CA13: variants seen among roughly 807,000 people sequenced by gnomAD.
CA13 encodes the protein CA-XIII.
CA13 carries 21 observed loss-of-function variants against 31.5 expected under a neutral mutation model. The ratio of observed to expected loss-of-function variants is 0.67; its 90% CI spans 0.47 to 0.96. The LOEUF (loss-of-function observed/expected upper bound fraction) is 0.96. Among genes scored for constraint, CA13 ranks in the 40% least tolerant of loss-of-function variants. The probability of loss-of-function intolerance (pLI) is 0.00; values close to 1 mark genes in which losing one functional copy is unlikely to be tolerated. For missense variants in CA13, 315 were observed against 318.9 expected (o/e 0.99, Z 0.09); for synonymous variants, 117 against 111.4 (o/e 1.05, Z -0.32).
At chr8:85,249,287 C>A (rs1813785636) in intron 1 of CA13, among the ~76,000 whole-genome samples, 1 of 151,988 alleles carries the variant, frequency 6.6e-6, no homozygotes, top group Admixed American at 6.6e-5. Context: ...TCACTTGAGC[C>A]CATGAGTTTG....
intron 2 of CA13, among the ~76,000 whole-genome samples, chr8:85,256,695 A>G (rs1188553220): frequency 2.0e-5 from 3 of 152,234 alleles, no homozygotes; most frequent in Non-Finnish European, 2.9e-5. Context: ...AATTATATAA[A>G]GCTCTATTAT....
chr8:85,280,701 A>G (rs189295627), intron 6 of CA13, among the ~76,000 whole-genome samples: 4 of 152,356 alleles, frequency 2.6e-5, no homozygotes, highest in Non-Finnish European at 1.5e-5. Flanking sequence ...AATCTTAATA[A>G]GTGATATTAA....
At chr8:85,263,339 A>T (rs776014527) in intron 3 of CA13, among the ~76,000 whole-genome samples, 28 of 152,296 alleles carry the variant, frequency 1.8e-4, no homozygotes, top group Non-Finnish European at 3.1e-4. Context: ...GAAGGTTTTG[A>T]TCAGGGGAAT....
chr8:85,263,080 A>T (rs1270807287), intron 3 of CA13, among the ~76,000 whole-genome samples: 1 of 152,220 alleles, frequency 6.6e-6, no homozygotes, highest in Non-Finnish European at 1.5e-5. Flanking sequence ...AGAAGAAAGC[A>T]TTAAGAGAAA....
At chr8:85,257,938 T>A (rs1012993574) in intron 2 of CA13, among the ~76,000 whole-genome samples, 5 of 148,510 alleles carry the variant, frequency 3.4e-5, no homozygotes, top group Non-Finnish European at 7.4e-5. Context: ...AGCCAAAAAA[T>A]ATATATATAA....
chr8:85,281,661 C>T lies in CA13; in HGVS notation c.*312C>T. The T allele has an allele frequency of 4.1e-6, 1 of 245,530 alleles. No homozygotes were observed. Among genetic ancestry groups the T allele is most frequent in the Non-Finnish European group, 6.8e-6 (1 of 146,340 alleles). 15.2% of individuals were successfully genotyped at this position (245,530 alleles called of 1,614,324 possible). On this transcript the variant is annotated 3_prime_UTR_variant, in exon 7 of 7. Coordinates refer to ENST00000321764, the MANE Select transcript of CA13 (RefSeq NM_198584.3). ...CAGAGTAAGTAGGACCACAGGCATG[C>T]ACAAGCATGCCTGGCTAATTTTTAA...
At chr8:85,277,778 C>T (rs1807635507) in intron 6 of CA13, among the ~76,000 whole-genome samples, 1 of 152,136 alleles carries the variant, frequency 6.6e-6, no homozygotes, top group South Asian at 2.1e-4. Context: ...TTTTATAGTT[C>T]TCTGTAAACA....
chr8:85,261,838 A>T (rs963858325), intron 3 of CA13, among the ~76,000 whole-genome samples: 3 of 151,458 alleles, frequency 2.0e-5, no homozygotes, highest in Admixed American at 2.0e-4. Context: ...CTTGGAATAG[A>T]TTTTCTTTTT....
At chr8:85,269,754 T>C (rs1033784609) in intron 6 of CA13, among the ~76,000 whole-genome samples, 5 of 152,162 alleles carry the variant, frequency 3.3e-5, no homozygotes, top group Non-Finnish European at 7.3e-5. Context: ...GCCAGGCTGG[T>C]GTGGAGTCGG....
At chr8:85,251,651 G>A (rs999803482) in intron 2 of CA13, among the ~76,000 whole-genome samples, 6 of 151,874 alleles carry the variant, frequency 4.0e-5, no homozygotes, top group Non-Finnish European at 8.8e-5. Context: ...AATAGAAAAA[G>A]TTTAGTTTAA....
At chr8:85,271,081 C>A (rs1171487616) in intron 6 of CA13, among the ~76,000 whole-genome samples, 1 of 151,920 alleles carries the variant, frequency 6.6e-6, no homozygotes, top group Admixed American at 6.6e-5. Flanking sequence ...AGTAACAATT[C>A]AATTTATTAA....
At chr8:85,262,842 G>A (rs1399228350) in intron 3 of CA13, among the ~76,000 whole-genome samples, 1 of 151,998 alleles carries the variant, frequency 6.6e-6, no homozygotes, top group African/African-American at 2.4e-5. Flanking sequence ...GGGTTTGAGA[G>A]TGAGGGAGGG....
chr8:85,254,087 T>G (rs1807240090), intron 2 of CA13, among the ~76,000 whole-genome samples: 1 of 152,102 alleles, frequency 6.6e-6, no homozygotes, highest in Admixed American at 6.6e-5. Flanking sequence ...GAGACCAGCC[T>G]GGCCAACATG....
intron 5 of CA13, 107 bp downstream of exon 5, chr8:85,268,071 C>G (rs753295158): frequency 2.5e-4 from 166 of 674,920 alleles, no homozygotes; most frequent in Middle Eastern, 3.3e-4. Context: ...AAGTTTGCAA[C>G]ATACTTGATG....
At chr8:85,262,739 A>G (rs982885942) in intron 3 of CA13, among the ~76,000 whole-genome samples, 6 of 152,164 alleles carry the variant, frequency 3.9e-5, no homozygotes, top group Non-Finnish European at 5.9e-5. Context: ...GCTTTGGAGG[A>G]AACTTTTGGG....
intron 6 of CA13, among the ~76,000 whole-genome samples, chr8:85,275,931 C>T (rs553279442): frequency 2.0e-5 from 3 of 152,364 alleles, no homozygotes; most frequent in South Asian, 2.1e-4. Context: ...TCGCTCTCAG[C>T]GCCTCCTCTG....
chr8:85,263,443 A>G (rs1249337614), intron 3 of CA13, among the ~76,000 whole-genome samples: 1 of 152,202 alleles, frequency 6.6e-6, no homozygotes, highest in African/African-American at 2.4e-5. Flanking sequence ...GAGAAAAACT[A>G]GAAGGTTATG....
At chr8:85,273,325 T>C (rs1807552787) in intron 6 of CA13, among the ~76,000 whole-genome samples, 1 of 152,228 alleles carries the variant, frequency 6.6e-6, no homozygotes, top group Non-Finnish European at 1.5e-5. Context: ...GTATGCTTAT[T>C]GGCTATGTAT....
At chr8:85,264,315 A>G (rs1205082592) in intron 3 of CA13, among the ~76,000 whole-genome samples, 2 of 152,206 alleles carry the variant, frequency 1.3e-5, no homozygotes, top group Non-Finnish European at 2.9e-5. Flanking sequence ...AATTTTAATA[A>G]TATTATTTAG....
Sources: allele counts gnomAD v4.1 joint callset (sites outside exome capture counted in the v4.1 genomes callset), GRCh38; gene constraint gnomAD v4.1.1; transcripts MANE v1.5; gene names NCBI Gene and HGNC (gene_info 2026-07-23, HGNC 2026-07-21).